Variants in OR1L8 observed in about 807,000 individuals in gnomAD.
The protein encoded by OR1L8 is olfactory receptor family 1 subfamily L member 8.
For synonymous variants in OR1L8, 148 were observed against 147.0 expected, an observed-to-expected ratio of 1.01 and a Z score of -0.05; for missense variants, 330 against 377.4, an observed-to-expected ratio of 0.87 and a Z score of 1.04.
At chr9:122,561,541 C>G in the OR1L8 span, among the ~76,000 whole-genome samples, 41,411 of 151,896 alleles carry the variant, frequency 0.27, 5,818 homozygotes, top group Middle Eastern at 0.34. Context: ...GTTTTTTGTT[C>G]ATGCTGTTGT....
At chr9:122,577,685 A>G (rs1829681105) in intron 2 of OR1L8, among the ~76,000 whole-genome samples, 1 of 152,232 alleles carries the variant, frequency 6.6e-6, no homozygotes, top group African/African-American at 2.4e-5. Flanking sequence ...GCAGGTGGAA[A>G]TGTAAAGTAT....
At chr9:122,556,590 C>T in the OR1L8 span, among the ~76,000 whole-genome samples, 1 of 151,972 alleles carries the variant, frequency 6.6e-6, no homozygotes, top group Non-Finnish European at 1.5e-5. Context: ...GCCTAGATGA[C>T]AGGTTGAAAG....
chr9:122,562,609 C>T (rs578052644), downstream of OR1L8, among the ~76,000 whole-genome samples: 1 of 151,616 alleles, frequency 6.6e-6, no homozygotes, highest in Non-Finnish European at 1.5e-5. Flanking sequence ...CCACACCACA[C>T]TGCACTTCCT....
rs1031229508 is a variant in OR1L8, at chr9:122,583,313, A to C, written c.-600+8T>G. 6 of 152,014 alleles carry C rather than the reference A, an allele frequency of 3.9e-5. No individual in the cohort carries two copies. Among genetic ancestry groups the C allele is most frequent in the African/African-American group, 1.2e-4 (5 of 41,436 alleles). The allele number at this position is 152,014 out of a possible 1,614,324, so 9.4% of individuals were successfully genotyped here. On this transcript the variant is annotated splice_region_variant and intron_variant, in intron 1 of 4. Coordinates refer to ENST00000641027, the MANE Select transcript of OR1L8 (RefSeq NM_001004454.2). Reference sequence around the variant, plus strand: ...AAAAAAAAAAACAGTAAAATATGAGAAACTCACAGTCAAGAGAAGCCGAAG... The same window carrying C: ...AAAAAAAAAAACAGTAAAATATGAGCAACTCACAGTCAAGAGAAGCCGAAG...
the OR1L8 span, among the ~76,000 whole-genome samples, chr9:122,557,002 A>G: frequency 2.6e-5 from 4 of 152,104 alleles, no homozygotes; most frequent in Non-Finnish European, 4.4e-5. Context: ...TGCTAGTGTA[A>G]ATGGTGTTGT....
chr9:122,564,921 A>C (rs1177588861), downstream of OR1L8, among the ~76,000 whole-genome samples: 1 of 152,162 alleles, frequency 6.6e-6, no homozygotes, highest in Non-Finnish European at 1.5e-5. Context: ...AAGATGCCAC[A>C]CTGGTCCATT....
At chr9:122,569,943 T>C (rs1355911434) in intron 4 of OR1L8, among the ~76,000 whole-genome samples, 1 of 150,932 alleles carries the variant, frequency 6.6e-6, no homozygotes, top group African/African-American at 2.4e-5. Context: ...GGTTTTTTGT[T>C]CTTGCGATAG....
the OR1L8 span, among the ~76,000 whole-genome samples, chr9:122,547,095 A>G: frequency 1.4e-5 from 2 of 145,384 alleles, no homozygotes; most frequent in African/African-American, 5.1e-5. Context: ...AAGAATATTA[A>G]TAAAGAATAA....
intron 2 of OR1L8, 59 bp from the exon 3 acceptor site, chr9:122,576,960 C>A (rs1829668188): frequency 6.6e-6 from 1 of 152,226 alleles, no homozygotes; most frequent in African/African-American, 2.4e-5. Flanking sequence ...GAAGGAGTAA[C>A]AACCTCCAAG....
downstream of OR1L8, among the ~76,000 whole-genome samples, chr9:122,565,034 C>A (rs1426748900): frequency 1.3e-5 from 2 of 152,176 alleles, no homozygotes; most frequent in African/African-American, 2.4e-5. Flanking sequence ...ATTCAAGGGA[C>A]TTATACTTCC....
chr9:122,556,888 A>G, the OR1L8 span, among the ~76,000 whole-genome samples: 1 of 151,370 alleles, frequency 6.6e-6, no homozygotes, highest in Admixed American at 6.6e-5. Flanking sequence ...ATGAACATGG[A>G]ATATCTCTTC....
At chr9:122,580,480 A>C (rs1288176905) in intron 1 of OR1L8, among the ~76,000 whole-genome samples, 1 of 152,190 alleles carries the variant, frequency 6.6e-6, no homozygotes, top group South Asian at 2.1e-4. Context: ...GTAAGTTTCC[A>C]TATGGTCAAA....
chr9:122,559,738 C>G, the OR1L8 span, among the ~76,000 whole-genome samples: 1 of 152,092 alleles, frequency 6.6e-6, no homozygotes, highest in Non-Finnish European at 1.5e-5. Flanking sequence ...TTTTTTGCTT[C>G]CAGTGATGTG....
intron 4 of OR1L8, among the ~76,000 whole-genome samples, chr9:122,570,239 C>G (rs1829519809): frequency 6.6e-6 from 1 of 151,188 alleles, no homozygotes; most frequent in Non-Finnish European, 1.5e-5. Context: ...GTTCTAGATC[C>G]CTGAGGAATC....
intron 3 of OR1L8, among the ~76,000 whole-genome samples, chr9:122,575,630 A>C (rs530949734): frequency 7.9e-5 from 12 of 152,294 alleles, no homozygotes; most frequent in African/African-American, 2.6e-4. Flanking sequence ...AATTTTTAAA[A>C]ACTAAATTTT....
At chr9:122,557,383 C>A in the OR1L8 span, among the ~76,000 whole-genome samples, 6 of 152,118 alleles carry the variant, frequency 3.9e-5, no homozygotes, top group South Asian at 1.0e-3. Context: ...CTTTATCTCT[C>A]TATTCCTAGT....
At chr9:122,550,482 G>T in the OR1L8 span, among the ~76,000 whole-genome samples, 1 of 151,038 alleles carries the variant, frequency 6.6e-6, no homozygotes, top group African/African-American at 2.4e-5. Flanking sequence ...GGTGACAATA[G>T]ATGCAAAAAT....
intron 1 of OR1L8, among the ~76,000 whole-genome samples, chr9:122,583,008 G>C (rs1260535183): frequency 6.7e-6 from 1 of 149,590 alleles, no homozygotes; most frequent in African/African-American, 2.5e-5. Flanking sequence ...TAAGGAAATG[G>C]GATTATTTTA....
chr9:122,580,865 T>G (rs1377745747), intron 1 of OR1L8, among the ~76,000 whole-genome samples: 1 of 152,090 alleles, frequency 6.6e-6, no homozygotes, highest in Non-Finnish European at 1.5e-5. Context: ...CTAAAAAGTG[T>G]CCCAAGTAAC....
Sources: allele counts gnomAD v4.1 joint callset (sites outside exome capture counted in the v4.1 genomes callset), GRCh38; gene constraint gnomAD v4.1.1; transcripts MANE v1.5; gene names NCBI Gene and HGNC (gene_info 2026-07-23, HGNC 2026-07-21).